The following GABRB1 variants were observed in gnomAD, a reference collection of about 807,000 sequenced individuals.
GABRB1 encodes the protein gamma-aminobutyric acid type A receptor subunit beta1, also known as gamma-aminobutyric acid receptor subunit beta-1.
GABRB1 carries 17 observed loss-of-function variants against 51.6 expected under a neutral mutation model. That is an observed-to-expected ratio of 0.33 (90% CI 0.23 to 0.49). GABRB1 has a LOEUF of 0.49. Ranked by LOEUF, GABRB1 falls within the 20% of genes least tolerant of loss-of-function variation. GABRB1 has a pLI of 0.99. For missense variants in GABRB1, 410 were observed against 600.6 expected, an observed-to-expected ratio of 0.68 and a Z score of 3.32; for synonymous variants, 247 against 218.9, an observed-to-expected ratio of 1.13 and a Z score of -1.14.
At chr4:47,254,402 T>C (rs1404842566) in intron 4 of GABRB1, among the ~76,000 whole-genome samples, 1 of 125,546 alleles carries the variant, frequency 8.0e-6, no homozygotes, top group Non-Finnish European at 1.6e-5. Context: ...TGAGGCAGAG[T>C]CTCACTCTGT....
At position 47,425,841 on chromosome 4, in the gene GABRB1, C is replaced by A; in HGVS notation, c.1248C>A (p.Arg416=). 1 of 1,614,064 alleles carries A rather than the reference C, an allele frequency of 6.2e-7. No homozygotes were observed. Among genetic ancestry groups the A allele is most frequent in the South Asian group, 1.1e-5 (1 of 91,066 alleles). ...KPLSSREAYG[R]ALDRHGVPSK... is the part of the protein sequence containing the mutation. ...TGAGCAGCCGCGAGGCCTACGGGCG[C>A]GCCCTGGACCGGCACGGGGTACCCA... Residue 416 remains arginine, a synonymous_variant, in exon 9 of 9, where the codon CGC becomes CGA. Transcript: ENST00000295454.
intron 4 of GABRB1, among the ~76,000 whole-genome samples, chr4:47,163,204 G>A (rs577483285): frequency 6.6e-6 from 1 of 151,878 alleles, no homozygotes; most frequent in African/African-American, 2.4e-5. Context: ...ATAGTAATGG[G>A]CTAATACCCC....
At chr4:47,243,929 G>C (rs1721639579) in intron 4 of GABRB1, among the ~76,000 whole-genome samples, 1 of 152,130 alleles carries the variant, frequency 6.6e-6, no homozygotes, top group African/African-American at 2.4e-5. Context: ...TGTTGAATAG[G>C]ATTAGTGAGA....
intron 3 of GABRB1, among the ~76,000 whole-genome samples, chr4:47,149,918 G>A (rs958224482): frequency 1.3e-5 from 2 of 151,866 alleles, no homozygotes; most frequent in African/African-American, 4.8e-5. Flanking sequence ...AGTTAGAACA[G>A]ATGCTCAATG....
chr4:47,280,917 G>C (rs1376209788), intron 4 of GABRB1, among the ~76,000 whole-genome samples: 1 of 150,372 alleles, frequency 6.7e-6, no homozygotes, highest in Non-Finnish European at 1.5e-5. Flanking sequence ...GCCTCCCGAA[G>C]TGCTGGATTA....
chr4:47,165,855 G>A (rs1718160131), intron 4 of GABRB1, among the ~76,000 whole-genome samples: 1 of 152,010 alleles, frequency 6.6e-6, no homozygotes, highest in Non-Finnish European at 1.5e-5. Flanking sequence ...TTTCCCAAGT[G>A]CTAATGAAAT....
chr4:47,321,641 A>G (rs2109964417), intron 5 of GABRB1, among the ~76,000 whole-genome samples: 1 of 152,366 alleles, frequency 6.6e-6, no homozygotes, highest in East Asian at 1.9e-4. Flanking sequence ...ATAACATTTT[A>G]TAAATAAGGC....
At chr4:47,026,522 T>C (rs760749940) in intron 1 of GABRB1, among the ~76,000 whole-genome samples, 66 of 152,086 alleles carry the variant, frequency 4.3e-4, no homozygotes, top group Non-Finnish European at 7.9e-4. Context: ...CAACACTTTT[T>C]AAATGATGCT....
At chr4:47,100,178 A>G (rs1714661141) in intron 3 of GABRB1, among the ~76,000 whole-genome samples, 1 of 147,906 alleles carries the variant, frequency 6.8e-6, no homozygotes, top group Non-Finnish European at 1.5e-5. Flanking sequence ...TAACTAGAAA[A>G]ATATTTCTAG....
At chr4:47,032,316 A>G in intron 2 of GABRB1, 101 bp from the exon 3 acceptor site, 1 of 1,086,504 alleles carries the variant, frequency 9.2e-7, no homozygotes, top group Non-Finnish European at 1.3e-6. Context: ...GCAGGGAGGG[A>G]GCCCGTTAAG....
chr4:47,013,883 T>C (rs1422976538), intron 1 of GABRB1, among the ~76,000 whole-genome samples: 2 of 152,180 alleles, frequency 1.3e-5, no homozygotes, highest in Non-Finnish European at 2.9e-5. Context: ...GAATTTTGCA[T>C]TATGTAGAAG....
intron 3 of GABRB1, among the ~76,000 whole-genome samples, chr4:47,069,035 C>G (rs1186379613): frequency 6.6e-6 from 1 of 152,174 alleles, no homozygotes; most frequent in Non-Finnish European, 1.5e-5. Context: ...CATCTCATCT[C>G]TAAATTTTGC....
chr4:47,215,879 A>G (rs1292039723), intron 4 of GABRB1, among the ~76,000 whole-genome samples: 1 of 152,104 alleles, frequency 6.6e-6, no homozygotes, highest in Non-Finnish European at 1.5e-5. Flanking sequence ...CAAATTCTTC[A>G]TTCATATTGG....
At chr4:47,001,942 T>C (rs1380492965) in intron 1 of GABRB1, among the ~76,000 whole-genome samples, 1 of 152,256 alleles carries the variant, frequency 6.6e-6, no homozygotes, top group Non-Finnish European at 1.5e-5. Context: ...GTTACAGAAC[T>C]CTGAACTTTA....
chr4:47,155,869 G>A (rs1717669084), intron 3 of GABRB1, among the ~76,000 whole-genome samples: 1 of 128,818 alleles, frequency 7.8e-6, no homozygotes, highest in African/African-American at 2.8e-5. Flanking sequence ...GATAAACAAT[G>A]GTAAAACATT....
chr4:47,177,917 C>A (rs1161744391), intron 4 of GABRB1, among the ~76,000 whole-genome samples: 1 of 151,034 alleles, frequency 6.6e-6, no homozygotes, highest in African/African-American at 2.4e-5. Flanking sequence ...CTAGTACAGG[C>A]ACATGTCTGG....
At chr4:47,191,443 A>G (rs1719437408) in intron 4 of GABRB1, among the ~76,000 whole-genome samples, 1 of 152,172 alleles carries the variant, frequency 6.6e-6, no homozygotes, top group African/African-American at 2.4e-5. Context: ...AACAGACTCA[A>G]TTCTACCTTA....
rs368391545 is a variant in GABRB1, at chr4:47,166,600, G to T, written c.461+5131G>T. 1.9e-4 allele frequency among the ~76,000 whole-genome samples: 29 copies of T among 152,042 alleles called. No homozygotes were observed. In the East Asian group the frequency reaches 1.9e-3, roughly 10 times the overall value. On this transcript the variant is annotated intron_variant, in intron 4 of 8. Coordinates refer to ENST00000295454, the MANE Select transcript of GABRB1 (RefSeq NM_000812.4). ...ATTAGTAAGTCTTTTTATTAGTAAGGTGTTATCAGTATGTTATTAATAGTT... is the reference window on the plus strand; with the variant it reads ...ATTAGTAAGTCTTTTTATTAGTAAGTTGTTATCAGTATGTTATTAATAGTT...
Position 47,353,933 on chromosome 4 carries a change from C to T in GABRB1, c.544+33724C>T, listed in dbSNP as rs1276769515. On this transcript the variant is annotated intron_variant, in intron 5 of 8. Transcript: ENST00000295454. ...TCTCCCACATTTCCCTGCCAACATA[C>T]ACACACACACAAACACACACACACA... 4.6e-5 allele frequency among the ~76,000 whole-genome samples: 7 copies of T among 151,828 alleles called. No homozygotes were observed. The East Asian group carries it at 1.3e-3, about 29-fold the overall frequency.
Sources: allele counts gnomAD v4.1 joint callset (sites outside exome capture counted in the v4.1 genomes callset), GRCh38; gene constraint gnomAD v4.1.1; transcripts MANE v1.5; gene names NCBI Gene and HGNC (gene_info 2026-07-23, HGNC 2026-07-21).